Variants in NR6A1 observed in about 807,000 individuals in gnomAD.
NR6A1 encodes retinoic acid receptor-related testis-associated receptor.
Under a neutral mutation model 59.1 loss-of-function variants are expected in NR6A1, and 7 were observed. The observed-to-expected ratio is 0.12, with a 90% CI of 0.07 to 0.22. The LOEUF is 0.22. Ranked by LOEUF, NR6A1 falls within the 10% of genes least tolerant of loss-of-function variation. NR6A1 has a pLI of 1.00. For missense variants in NR6A1, 468 were observed against 611.6 expected, an observed-to-expected ratio of 0.77 and a Z score of 2.48; for synonymous variants, 243 against 236.1, an observed-to-expected ratio of 1.03 and a Z score of -0.27.
chr9:124,564,261 A>T (rs1370249026), intron 2 of NR6A1, among the ~76,000 whole-genome samples: 1 of 152,208 alleles, frequency 6.6e-6, no homozygotes, highest in Admixed American at 6.5e-5. Flanking sequence ...ATCACACTGA[A>T]TCATAAAATG....
At chr9:124,639,654 C>A (rs1436426470) in intron 2 of NR6A1, among the ~76,000 whole-genome samples, 1 of 152,054 alleles carries the variant, frequency 6.6e-6, no homozygotes, top group East Asian at 1.9e-4. Context: ...AAGAAGAGGA[C>A]CAACAGAGAG....
chr9:124,549,505 C>A (rs887653824), intron 3 of NR6A1, among the ~76,000 whole-genome samples: 17 of 152,162 alleles, frequency 1.1e-4, no homozygotes, highest in African/African-American at 4.1e-4. Context: ...AGGGCCCAGT[C>A]TCCATTCACC....
At chr9:124,558,207 T>C (rs753963689) in intron 2 of NR6A1, among the ~76,000 whole-genome samples, 9 of 152,310 alleles carry the variant, frequency 5.9e-5, no homozygotes, top group South Asian at 2.1e-4. Context: ...CAATCAAATA[T>C]AGACCTGTTA....
In NR6A1 at chr9:124,543,965, TCCAACATTAA is replaced by T. The variant is rs1833520857; in HGVS notation, c.386-118_386-109del. 6.0e-6 allele frequency: 5 copies of T among 833,230 alleles called. No individual in the cohort carries two copies. The East Asian group carries it at 1.2e-4, about 21-fold the overall frequency. The allele number at this position is 833,230 out of a possible 1,614,324, so 51.6% of individuals were successfully genotyped here. A position where few individuals can be genotyped will look rare whatever the true frequency, so the allele number is the denominator to read the frequency against. ...AAAGCATAAGACAGTAATTAGTGAA[TCCAACATTAA>T]AACACAGGTCCTTCTGGATCCAAAG... On this transcript the variant is annotated intron_variant, in intron 3 of 9. Transcript: ENST00000487099.
intron 2 of NR6A1, among the ~76,000 whole-genome samples, chr9:124,578,758 T>C (rs1328588824): frequency 6.6e-6 from 1 of 152,214 alleles, no homozygotes; most frequent in Non-Finnish European, 1.5e-5. Context: ...CTCTAGAAGA[T>C]GAAATAAAAC....
chr9:124,666,558 C>G (rs1335628017), intron 2 of NR6A1, among the ~76,000 whole-genome samples: 3 of 152,188 alleles, frequency 2.0e-5, no homozygotes, highest in Non-Finnish European at 4.4e-5. Context: ...GGATTACAAG[C>G]ATGAGCAACC....
chr9:124,725,595 G>T (rs897684899), intron 2 of NR6A1, among the ~76,000 whole-genome samples: 2 of 152,096 alleles, frequency 1.3e-5, no homozygotes, highest in African/African-American at 4.8e-5. Context: ...TGGGGAATGG[G>T]GGGCAATATT....
chr9:124,684,816 C>A (rs1373822566), intron 2 of NR6A1, among the ~76,000 whole-genome samples: 1 of 152,186 alleles, frequency 6.6e-6, no homozygotes, highest in Non-Finnish European at 1.5e-5. Context: ...CCCAACACCA[C>A]TCAGTACTGC....
At chr9:124,768,189 T>G (rs968582395) in intron 1 of NR6A1, among the ~76,000 whole-genome samples, 2 of 152,204 alleles carry the variant, frequency 1.3e-5, no homozygotes, top group African/African-American at 4.8e-5. Context: ...CCACCTCCAG[T>G]TTATTTCTTC....
chr9:124,748,982 G>A (rs1361012725), intron 1 of NR6A1, among the ~76,000 whole-genome samples: 1 of 152,008 alleles, frequency 6.6e-6, no homozygotes, highest in Non-Finnish European at 1.5e-5. Context: ...CCTATTATTG[G>A]CCAGGTGCGG....
At chr9:124,659,580 C>G (rs1837368376) in intron 2 of NR6A1, among the ~76,000 whole-genome samples, 1 of 152,154 alleles carries the variant, frequency 6.6e-6, no homozygotes, top group Non-Finnish European at 1.5e-5. Flanking sequence ...GCTTCTCCCC[C>G]ACCAACTCTT....
At chr9:124,760,560 A>G (rs1588861404) in intron 1 of NR6A1, among the ~76,000 whole-genome samples, 1 of 152,186 alleles carries the variant, frequency 6.6e-6, no homozygotes, top group East Asian at 1.9e-4. Flanking sequence ...CAGAAATGTC[A>G]GAGTATATTG....
chr9:124,722,202 A>G (rs1839583932), intron 2 of NR6A1, among the ~76,000 whole-genome samples: 1 of 152,234 alleles, frequency 6.6e-6, no homozygotes, highest in South Asian at 2.1e-4. Context: ...AAGTATTACC[A>G]AGTCAAACTT....
intron 2 of NR6A1, among the ~76,000 whole-genome samples, chr9:124,575,910 AAG>A (rs1484381487): frequency 6.6e-6 from 1 of 152,212 alleles, no homozygotes; most frequent in African/African-American, 2.4e-5. Flanking sequence ...TTTACCTAAA[AAG>A]CTCCTATGAG....
At chr9:124,557,587 T>C (rs1424410855) in intron 2 of NR6A1, among the ~76,000 whole-genome samples, 5 of 152,146 alleles carry the variant, frequency 3.3e-5, no homozygotes, top group Non-Finnish European at 7.4e-5. Flanking sequence ...TTTGAAAACA[T>C]AAAGAAAGCT....
At chr9:124,695,159 G>A (rs1838705139) in intron 2 of NR6A1, among the ~76,000 whole-genome samples, 1 of 152,172 alleles carries the variant, frequency 6.6e-6, no homozygotes. Context: ...ACCTGAAATC[G>A]CCACTATTCT....
At chr9:124,564,520 CT>C (rs1834176157) in intron 2 of NR6A1, among the ~76,000 whole-genome samples, 1 of 152,108 alleles carries the variant, frequency 6.6e-6, no homozygotes, top group Non-Finnish European at 1.5e-5. Flanking sequence ...TACAAGATCT[CT>C]ATGGAGAAAC....
At chr9:124,675,156 A>G (rs1837917139) in intron 2 of NR6A1, among the ~76,000 whole-genome samples, 1 of 152,230 alleles carries the variant, frequency 6.6e-6, no homozygotes. Context: ...GCAAGTAAAC[A>G]TTCTTTAGAA....
intron 2 of NR6A1, chr9:124,692,324 C>T (rs1409052182): frequency 6.4e-6 from 2 of 311,666 alleles, no homozygotes; most frequent in African/African-American, 2.2e-5. Flanking sequence ...CTCTGCTGCA[C>T]ACAAATTGAT....
Sources: allele counts gnomAD v4.1 joint callset (sites outside exome capture counted in the v4.1 genomes callset), GRCh38; gene constraint gnomAD v4.1.1; transcripts MANE v1.5; gene names NCBI Gene and HGNC (gene_info 2026-07-23, HGNC 2026-07-21).